The following LRCH1 variants were observed in gnomAD, a reference collection of about 807,000 sequenced individuals.
LRCH1 encodes leucine rich repeats and calponin homology domain containing 1.
In LRCH1, 23 loss-of-function variants were observed where a neutral mutation model predicts 94.9. The ratio of observed to expected loss-of-function variants is 0.24; its 90% CI spans 0.17 to 0.34. The LOEUF (loss-of-function observed/expected upper bound fraction) is 0.34. Among genes scored for constraint, LRCH1 ranks in the 10% least tolerant of loss-of-function variants. The pLI is 1.00. For synonymous variants in LRCH1, 364 were observed against 354.9 expected (o/e 1.03, Z -0.29); for missense variants, 790 against 945.9 (o/e 0.84, Z 2.16).
At chr13:46,619,399 C>G (rs900379231) in intron 1 of LRCH1, among the ~76,000 whole-genome samples, 6 of 152,134 alleles carry the variant, frequency 3.9e-5, no homozygotes, top group Admixed American at 2.0e-4. Flanking sequence ...CGTGACCCAC[C>G]ACGCCTGGCC....
chr13:46,699,581 A>G lies in LRCH1; in HGVS notation c.1313+178A>G, dbSNP rs1871360636. ...TCTGTCTGATGCTTTTTGTCGTGGT[A>G]TTGGGCAGTACAAACCTCTTACTTG... On this transcript the variant is annotated intron_variant, in intron 10 of 19. Transcript: ENST00000389797. Among the ~76,000 whole-genome samples the G allele has an allele frequency of 3.9e-5, 6 of 152,164 alleles. No homozygotes were observed. The South Asian group carries it at 1.2e-3, about 32-fold the overall frequency.
At chr13:46,703,519 T>G (rs1871595479) in intron 11 of LRCH1, among the ~76,000 whole-genome samples, 1 of 152,110 alleles carries the variant, frequency 6.6e-6, no homozygotes, top group African/African-American at 2.4e-5. Flanking sequence ...CGGAGTGAAA[T>G]CTAAGAACTT....
At chr13:46,693,492 C>T (rs566640913) in intron 8 of LRCH1, among the ~76,000 whole-genome samples, 31 of 152,146 alleles carry the variant, frequency 2.0e-4, no homozygotes, top group Non-Finnish European at 3.8e-4. Context: ...ATGGCCACAT[C>T]GCACTGCACA....
At chr13:46,560,440 G>A (rs1333510756) in intron 1 of LRCH1, among the ~76,000 whole-genome samples, 2 of 151,992 alleles carry the variant, frequency 1.3e-5, no homozygotes, top group Admixed American at 1.3e-4. Flanking sequence ...GCTTAGATAT[G>A]GCAATTCCAC....
exon 19 of LRCH1, chr13:46,752,678 C>T (rs555156624): frequency 6.6e-6 from 1 of 152,262 alleles, no homozygotes; most frequent in African/African-American, 2.4e-5. Flanking sequence ...CCTTCACGGG[C>T]ATTCAGAATG....
intron 2 of LRCH1, among the ~76,000 whole-genome samples, chr13:46,651,881 TG>T (rs2051306397): frequency 1.4e-5 from 2 of 143,654 alleles, no homozygotes; most frequent in East Asian, 2.1e-4. Flanking sequence ...TTGTTTTTTT[TG>T]TTTTGTTTTG....
At chr13:46,596,998 A>G (rs996396957) in intron 1 of LRCH1, among the ~76,000 whole-genome samples, 1 of 152,214 alleles carries the variant, frequency 6.6e-6, no homozygotes, top group Admixed American at 6.5e-5. Context: ...GTTTAGGTCT[A>G]AGAAAATTCC....
At chr13:46,648,173 A>T (rs2051247122) in intron 1 of LRCH1, among the ~76,000 whole-genome samples, 1 of 152,212 alleles carries the variant, frequency 6.6e-6, no homozygotes, top group Non-Finnish European at 1.5e-5. Flanking sequence ...TTAGATTCTA[A>T]CAAGGAGCAC....
At chr13:46,660,148 A>G (rs888365591) in intron 2 of LRCH1, among the ~76,000 whole-genome samples, 3 of 147,602 alleles carry the variant, frequency 2.0e-5, no homozygotes, top group African/African-American at 7.5e-5. Context: ...AGTAGCTGGG[A>G]CTACAGGCGC....
Position 46,735,849 on chromosome 13 carries a change from T to G in LRCH1, c.2085+1851T>G, listed in dbSNP as rs572083303. Among the ~76,000 whole-genome samples, 194 of 142,236 alleles carry G rather than the reference T, an allele frequency of 1.4e-3. 1 individual carries two copies. Among genetic ancestry groups the G allele is most frequent in the Middle Eastern group, 8.6e-3 (2 of 232 alleles). The allele number at this position is 142,236 out of a possible 152,430, so 93.3% of individuals were successfully genotyped here. On this transcript the variant is annotated intron_variant, in intron 19 of 19. Transcript: ENST00000389797. ...ACTCTGTCACCTGGCCAGACTGGAGTGCAGTGGCACGATCTCAGCTCACTG... is the reference window on the plus strand; with the variant it reads ...ACTCTGTCACCTGGCCAGACTGGAGGGCAGTGGCACGATCTCAGCTCACTG...
At chr13:46,617,259 G>A (rs1374296709) in intron 1 of LRCH1, among the ~76,000 whole-genome samples, 1 of 152,020 alleles carries the variant, frequency 6.6e-6, no homozygotes, top group East Asian at 1.9e-4. Flanking sequence ...AGGCAGAGGA[G>A]CAGAGGAGTG....
chr13:46,682,731 C>A (rs1870393384), intron 4 of LRCH1, among the ~76,000 whole-genome samples: 1 of 152,162 alleles, frequency 6.6e-6, no homozygotes, highest in South Asian at 2.1e-4. Context: ...GTGGTGACAG[C>A]AGAACCTCAG....
At chr13:46,627,094 T>C (rs1013541579) in intron 1 of LRCH1, among the ~76,000 whole-genome samples, 3 of 152,222 alleles carry the variant, frequency 2.0e-5, no homozygotes, top group Non-Finnish European at 4.4e-5. Context: ...ATTTTGGCTC[T>C]GTCATTTACT....
At chr13:46,568,161 A>T (rs1254531701) in intron 1 of LRCH1, among the ~76,000 whole-genome samples, 1 of 152,322 alleles carries the variant, frequency 6.6e-6, no homozygotes, top group Non-Finnish European at 1.5e-5. Flanking sequence ...TCTTTAGAGA[A>T]CACAATAGAT....
chr13:46,686,020 T>G lies in LRCH1; in HGVS notation c.801T>G (p.Pro267=). 1 of 1,603,200 alleles carries G rather than the reference T, an allele frequency of 6.2e-7. No individual in the cohort carries two copies. The highest frequency in any genetic ancestry group is 1.1e-5 in the South Asian group (1 of 87,926). ...AAGTGTTACTACTTGAGAATAACCC[T>G]CTGCAGTCTCCTCCAGCACAGGTGA... is the stretch of plus-strand genomic sequence containing the variant. ...QLQVLLLENN[P]LQSPPAQICT... is the part of the protein sequence containing the mutation. The change falls in exon 5 of 20, where the codon CCT becomes CCG. Residue 267 remains proline, a synonymous_variant. Transcript: ENST00000389797.
At chr13:46,700,824 A>C (rs545201930) in intron 10 of LRCH1, among the ~76,000 whole-genome samples, 1 of 152,304 alleles carries the variant, frequency 6.6e-6, no homozygotes, top group African/African-American at 2.4e-5. Flanking sequence ...ACAACGGTGA[A>C]AGCCTCTCAT....
At chr13:46,735,152 AGT>A (rs34294545) in intron 19 of LRCH1, among the ~76,000 whole-genome samples, 76,969 of 152,020 alleles carry the variant, frequency 0.51, 22,419 homozygotes, top group Non-Finnish European at 0.65. Flanking sequence ...TTTTTTAAAG[AGT>A]GTAAATTTTA....
intron 3 of LRCH1, among the ~76,000 whole-genome samples, chr13:46,675,947 A>G (rs1337911295): frequency 2.6e-5 from 4 of 152,196 alleles, no homozygotes; most frequent in Non-Finnish European, 4.4e-5. Context: ...CTTTCTTGAG[A>G]AAGTTTCAAG....
At chr13:46,696,612 G>A (rs939386057) in intron 9 of LRCH1, among the ~76,000 whole-genome samples, 2 of 152,164 alleles carry the variant, frequency 1.3e-5, no homozygotes, top group Non-Finnish European at 2.9e-5. Context: ...GAGCAGATAG[G>A]CGTGTGGAAG....
Sources: gnomAD v4.1 joint callset for allele counts (sites outside exome capture counted in the v4.1 genomes callset) on GRCh38, gnomAD v4.1.1 for gene constraint, MANE v1.5 for transcripts, NCBI Gene and HGNC (gene_info 2026-07-23, HGNC 2026-07-21) for gene names.